The following RPS6KA2 variants were observed in gnomAD, a reference collection of about 807,000 sequenced individuals.
RPS6KA2 encodes the protein ribosomal protein S6 kinase alpha-2.
In RPS6KA2, 42 loss-of-function variants were observed where a neutral mutation model predicts 91.8. That is an observed-to-expected ratio of 0.46 (90% CI 0.36 to 0.59). The LOEUF is 0.59. Ranked by LOEUF, RPS6KA2 falls within the 20% of genes least tolerant of loss-of-function variation. The probability of loss-of-function intolerance (pLI) is 0.00; values close to 1 mark genes in which losing one functional copy is unlikely to be tolerated. For synonymous variants in RPS6KA2, 414 were observed against 393.6 expected, an observed-to-expected ratio of 1.05 and a Z score of -0.61; for missense variants, 798 against 978.5, an observed-to-expected ratio of 0.82 and a Z score of 2.46.
At chr6:166,466,741 G>A (rs1458332140) in intron 11 of RPS6KA2, among the ~76,000 whole-genome samples, 4 of 152,282 alleles carry the variant, frequency 2.6e-5, no homozygotes, top group East Asian at 3.9e-4. Context: ...CTGACTTACT[G>A]ACTCATTCAC....
chr6:166,757,887 T>A (rs1202672), intron 2 of RPS6KA2: 79,988 of 269,882 alleles, frequency 0.3, 13,480 homozygotes, highest in African/African-American at 0.51. Flanking sequence ...GAGGCTGGCC[T>A]TCTCCTCTGA....
intron 8 of RPS6KA2, among the ~76,000 whole-genome samples, chr6:166,497,751 A>G (rs1436043044): frequency 2.0e-5 from 3 of 152,246 alleles, no homozygotes; most frequent in African/African-American, 7.2e-5. Context: ...TGGGTTTGGC[A>G]GGCACACAGT....
At chr6:166,776,365 G>A (rs761108892) in intron 2 of RPS6KA2, among the ~76,000 whole-genome samples, 2 of 152,208 alleles carry the variant, frequency 1.3e-5, no homozygotes, top group Non-Finnish European at 1.5e-5. Context: ...GACCGTCCTG[G>A]GGGCATTTTC....
At chr6:166,818,570 A>G (rs1779828060) in intron 2 of RPS6KA2, among the ~76,000 whole-genome samples, 1 of 152,062 alleles carries the variant, frequency 6.6e-6, no homozygotes, top group Non-Finnish European at 1.5e-5. Context: ...GTGATTTGGG[A>G]TGTGATGCTT....
chr6:166,823,334 C>T (rs1490921852), intron 2 of RPS6KA2, among the ~76,000 whole-genome samples: 1 of 152,164 alleles, frequency 6.6e-6, no homozygotes, highest in Admixed American at 6.5e-5. Flanking sequence ...CTGACTCACA[C>T]AAACTATTAC....
At chr6:166,744,325 A>T (rs547351136) in intron 2 of RPS6KA2, among the ~76,000 whole-genome samples, 32 of 152,020 alleles carry the variant, frequency 2.1e-4, no homozygotes, top group Admixed American at 2.1e-3. Context: ...CAGCGTGTGC[A>T]GGGGTTCCCC....
At chr6:166,710,302 G>T (rs548522039) in intron 2 of RPS6KA2, among the ~76,000 whole-genome samples, 23 of 152,272 alleles carry the variant, frequency 1.5e-4, no homozygotes, top group Middle Eastern at 6.8e-3. Flanking sequence ...CCTTTAATCA[G>T]TTATATTGGA....
intron 2 of RPS6KA2, among the ~76,000 whole-genome samples, chr6:166,634,359 G>A (rs946118251): frequency 2.6e-5 from 4 of 152,182 alleles, no homozygotes; most frequent in African/African-American, 9.7e-5. Flanking sequence ...GGGGCCGGAC[G>A]TTTCCAGGAT....
At chr6:166,617,605 G>A (rs895913491) in intron 1 of RPS6KA2, among the ~76,000 whole-genome samples, 4 of 152,152 alleles carry the variant, frequency 2.6e-5, no homozygotes, top group East Asian at 1.9e-4. Flanking sequence ...CTCCATTGGC[G>A]TCAGGTAAGC....
exon 2 of RPS6KA2, chr6:166,858,239 G>A: frequency 6.5e-7 from 1 of 1,542,000 alleles, no homozygotes; most frequent in Non-Finnish European, 9.0e-7. Flanking sequence ...CCACATCCAG[G>A]TTGAGATCCT....
At chr6:166,478,744 C>T (rs1781076190) in intron 10 of RPS6KA2, among the ~76,000 whole-genome samples, 1 of 152,178 alleles carries the variant, frequency 6.6e-6, no homozygotes, top group African/African-American at 2.4e-5. Context: ...GTTGGACACC[C>T]TTCCCGGCCA....
At chr6:166,568,431 T>C (rs1784569280) in intron 1 of RPS6KA2, among the ~76,000 whole-genome samples, 1 of 151,746 alleles carries the variant, frequency 6.6e-6, no homozygotes, top group Non-Finnish European at 1.5e-5. Context: ...CTGGCCAACA[T>C]GGCAAAACTC....
chr6:166,657,953 G>A (rs1200906554), intron 2 of RPS6KA2, among the ~76,000 whole-genome samples: 1 of 152,052 alleles, frequency 6.6e-6, no homozygotes, highest in Non-Finnish European at 1.5e-5. Context: ...GCGAGATCTC[G>A]GCTCACCGCA....
rs1177049696 is a variant in RPS6KA2 at position 166,726,660 on chromosome 6, G to A, written c.123+131540C>T. 2.0e-5 allele frequency among the ~76,000 whole-genome samples: 3 copies of A among 152,210 alleles called. No homozygotes were observed. The highest frequency in any genetic ancestry group is 4.4e-5 in the Non-Finnish European group (3 of 68,044). On this transcript the variant is annotated intron_variant, in intron 2 of 21. Coordinates refer to the RPS6KA2 transcript ENST00000503859. This position sits in a 1 kb window ranked among gnomAD's most constrained non-coding sequence, Gnocchi z 4.4. ...ACATGATCACCTTAAACAGAGAACT[G>A]GATCTCGTGTACTGATGCTGCTGGC...
At chr6:166,762,528 A>C (rs1005320526) in intron 2 of RPS6KA2, among the ~76,000 whole-genome samples, 1 of 152,040 alleles carries the variant, frequency 6.6e-6, no homozygotes, top group Admixed American at 6.6e-5. Context: ...AACTGGCCTC[A>C]TTTTCCCTTA....
chr6:166,561,150 A>G (rs1257066757), intron 1 of RPS6KA2, among the ~76,000 whole-genome samples: 1 of 151,956 alleles, frequency 6.6e-6, no homozygotes, highest in Non-Finnish European at 1.5e-5. Flanking sequence ...TCCTGGGTGC[A>G]CTTGTGCACA....
Position 166,770,933 on chromosome 6 carries a change from G to A in RPS6KA2, c.123+87267C>T, listed in dbSNP as rs575202004. The A allele has an allele frequency of 6.3e-7, 1 of 1,592,220 alleles. No individual in the cohort carries two copies. The highest frequency in any genetic ancestry group is 1.7e-5 in the Admixed American group (1 of 58,182). On this transcript the variant is annotated intron_variant, in intron 2 of 21. Transcript: ENST00000503859. The surrounding 1 kb of genome is among the most constrained non-coding windows in gnomAD (Gnocchi z 5.1). ...TTTGCCCTGTGAAAATGGAAACGAAGAAAGAATTCCTTTAAGTCACAGGAC... is the reference window on the plus strand; with the variant it reads ...TTTGCCCTGTGAAAATGGAAACGAAAAAAGAATTCCTTTAAGTCACAGGAC...
chr6:166,492,326 G>A (rs1781618252), intron 8 of RPS6KA2, among the ~76,000 whole-genome samples: 1 of 152,094 alleles, frequency 6.6e-6, no homozygotes, highest in African/African-American at 2.4e-5. Flanking sequence ...AGGGGGTCCA[G>A]ATGAGAACTG....
intron 2 of RPS6KA2, among the ~76,000 whole-genome samples, chr6:166,696,669 G>T (rs75701741): frequency 2.0e-4 from 31 of 152,120 alleles, no homozygotes; most frequent in Non-Finnish European, 3.8e-4. Flanking sequence ...GGGAGGAGAC[G>T]AACATTTAAA....
Sources: allele counts gnomAD v4.1 joint callset (sites outside exome capture counted in the v4.1 genomes callset), GRCh38; gene constraint gnomAD v4.1.1; non-coding constraint Gnocchi (gnomAD v3.1); transcripts MANE v1.5; gene names NCBI Gene and HGNC (gene_info 2026-07-23, HGNC 2026-07-21).